Variants in VWDE observed in about 807,000 individuals in gnomAD.
VWDE encodes von Willebrand factor D and EGF domains.
Under a neutral mutation model 178.4 loss-of-function variants are expected in VWDE, and 207 were observed. That is an observed-to-expected ratio of 1.16 (90% CI 1.04 to 1.30). VWDE has a LOEUF of 1.30. Ranked by LOEUF, VWDE falls within the 50% of genes most tolerant of loss-of-function variation. The pLI, the probability that VWDE is intolerant of heterozygous loss-of-function variation, is 0.00. For missense variants in VWDE, 2,287 were observed against 1,901.3 expected, an observed-to-expected ratio of 1.20 and a Z score of -3.77; for synonymous variants, 738 against 651.4, an observed-to-expected ratio of 1.13 and a Z score of -2.02.
chr7:12,348,533 C>G lies in VWDE; in HGVS notation c.3886+3040G>C, dbSNP rs535176989. On this transcript the variant is annotated intron_variant, in intron 19 of 28. Coordinates refer to ENST00000275358, the MANE Select transcript of VWDE (RefSeq NM_001135924.3). ...AATCAAAACCACAGTGAGATACCATCTCACACCAGTTAGAATGGCAATCAT... is the reference window on the plus strand; with the variant it reads ...AATCAAAACCACAGTGAGATACCATGTCACACCAGTTAGAATGGCAATCAT... 3.4e-3 allele frequency among the ~76,000 whole-genome samples: 508 copies of G among 150,942 alleles called. 2 individuals carry two copies. The Middle Eastern group carries it at 0.044, about 13-fold the overall frequency.
rs1272468360 is a variant in VWDE at position 12,336,314 on chromosome 7, T to C, written c.4559-78A>G. 3.3e-6 allele frequency: 4 copies of C among 1,213,040 alleles called. No individual in the cohort carries two copies. In the South Asian group the frequency reaches 4.3e-5, roughly 13 times the overall value. The allele number at this position is 1,213,040 out of a possible 1,614,324, so 75.1% of individuals were successfully genotyped here. On this transcript the variant is annotated intron_variant, in intron 26 of 28. Transcript: ENST00000275358. ...ATCCATAACCCACAAAACTTTTCAT[T>C]AGAGAGAAAAAAAGAAATAGTTACA...
At position 12,357,249 on chromosome 7, in the gene VWDE, T is replaced by C; in HGVS notation, c.3525+16A>G. 1 of 1,547,738 alleles carries C rather than the reference T, an allele frequency of 6.5e-7. No homozygotes were observed. Among genetic ancestry groups the C allele is most frequent in the Non-Finnish European group, 8.7e-7 (1 of 1,144,084 alleles). Reference sequence around the variant, plus strand: ...GCAAAAGAATCCAGTGGCACTTATGTAATTATAAAGATTACCTCAATCGTG... The same window carrying C: ...GCAAAAGAATCCAGTGGCACTTATGCAATTATAAAGATTACCTCAATCGTG... On this transcript the variant is annotated intron_variant, in intron 17 of 28. Transcript: ENST00000275358.
intron 28 of VWDE, among the ~76,000 whole-genome samples, chr7:12,333,210 C>A (rs75790036): frequency 3.9e-5 from 6 of 152,236 alleles, no homozygotes; most frequent in African/African-American, 1.4e-4. Flanking sequence ...GCTGTCTCAA[C>A]TACAGTGTCA....
Position 12,370,205 on chromosome 7 carries a change from G to GT in VWDE, c.2100dup (p.His701ThrfsTer6), listed in dbSNP as rs781003137. 2.6e-5 allele frequency: 41 copies of GT among 1,550,738 alleles called. 1 individual carries two copies. In the Middle Eastern group the frequency reaches 8.3e-4, roughly 32 times the overall value. On this transcript the variant is annotated frameshift_variant, in exon 12 of 29. Coordinates refer to ENST00000275358, the MANE Select transcript of VWDE (RefSeq NM_001135924.3). LOFTEE classifies it high-confidence loss of function. ...AAGCCGAGTTTAGTCAGGTTTATGT[G>GT]TTTTTTTTCTTGCAGAAATAAATTT... is the stretch of plus-strand genomic sequence containing the variant.
chr7:12,344,428 C>T lies in VWDE; in HGVS notation c.3928G>A (p.Ala1310Thr). The change falls in exon 20 of 29, where the codon GCC becomes ACC. Residue 1310 changes from alanine (A) to threonine (T), a missense_variant. By Grantham distance (58) the Ala-to-Thr change is moderately conservative (BLOSUM62 0). Transcript: ENST00000275358. ...YPCGKSRECV[A>T]PNICKCKPGY... is the part of the protein sequence containing the mutation. Reference sequence around the variant, plus strand: ...GGTTTACATTTGCAGATGTTTGGGGCAACACACTCCCTACTTTTTCCACAT... The same window carrying T: ...GGTTTACATTTGCAGATGTTTGGGGTAACACACTCCCTACTTTTTCCACAT... The T allele has an allele frequency of 1.3e-6, 2 of 1,550,624 alleles. No individual in the cohort carries two copies. The highest frequency in any genetic ancestry group is 2.4e-5 in the South Asian group (2 of 83,950).
chr7:12,386,916 A>G (rs900381663), intron 3 of VWDE, among the ~76,000 whole-genome samples: 2 of 152,222 alleles, frequency 1.3e-5, no homozygotes, highest in Non-Finnish European at 2.9e-5. Flanking sequence ...CTCCAGCAGT[A>G]CATATGTGTG....
intron 28 of VWDE, among the ~76,000 whole-genome samples, chr7:12,333,215 G>A (rs1348894907): frequency 6.6e-6 from 1 of 152,094 alleles, no homozygotes; most frequent in African/African-American, 2.4e-5. Flanking sequence ...CTCAACTACA[G>A]TGTCATGAAA....
chr7:12,355,378 T>A (rs111908483), intron 18 of VWDE, among the ~76,000 whole-genome samples: 5,169 of 148,946 alleles, frequency 0.035, 289 homozygotes, highest in African/African-American at 0.11. Flanking sequence ...ACGGCGCCAC[T>A]GCACTCCAGC....
At chr7:12,340,438 A>G (rs1781266920) in intron 23 of VWDE, 21 bp from the exon 24 acceptor site, 4 of 1,514,852 alleles carry the variant, frequency 2.6e-6, no homozygotes, top group East Asian at 2.5e-5. Flanking sequence ...GCAGGAGGAA[A>G]AGAGAACATA....
Position 12,337,034 on chromosome 7 carries a change from G to A in VWDE, c.4512C>T (p.Ser1504=). 1.3e-6 allele frequency: 2 copies of A among 1,551,552 alleles called. No individual in the cohort carries two copies. Among genetic ancestry groups the A allele is most frequent in the Non-Finnish European group, 8.7e-7 (1 of 1,146,916 alleles). The stretch of plus-strand genomic sequence containing the variant: ...TCCAACCAGAAGGACAAGAGCAAGT[G>A]CTTGGTCCCACACATTTTCCTCCAT... ...CMNGGKCVGP[S]TCSCPSGWSG... Residue 1504 remains serine (S), a synonymous_variant, in exon 26 of 29, where the codon AGC becomes AGT. Coordinates refer to ENST00000275358, the MANE Select transcript of VWDE (RefSeq NM_001135924.3).
intron 1 of VWDE, among the ~76,000 whole-genome samples, chr7:12,399,516 T>C (rs1278198252): frequency 6.6e-6 from 1 of 152,172 alleles, no homozygotes; most frequent in Non-Finnish European, 1.5e-5. Flanking sequence ...CAATATCAAT[T>C]TTAAAAACAG....
At chr7:12,343,026 A>G in intron 22 of VWDE, 57 bp downstream of exon 22, 3 of 1,302,344 alleles carry the variant, frequency 2.3e-6, no homozygotes, top group Non-Finnish European at 2.2e-6. Context: ...CATTAAGGCC[A>G]TCAACTATTC....
rs1782574455 is a variant in VWDE, at chr7:12,361,451, ACAG to A, written c.2966_2968del (p.Ala989del). On this transcript the variant is annotated inframe_deletion, in exon 14 of 29. Coordinates refer to ENST00000275358, the MANE Select transcript of VWDE (RefSeq NM_001135924.3). ...AACATCAGTGGGCAGCTGACAATCA[ACAG>A]CTCTGCTATTGTGGAAAACAGTCTG... The A allele has an allele frequency of 1.3e-6, 2 of 1,551,246 alleles. No homozygotes were observed. The highest frequency in any genetic ancestry group is 3.9e-5 in the Admixed American group (2 of 50,966).
intron 15 of VWDE, among the ~76,000 whole-genome samples, chr7:12,360,103 C>G (rs549024800): frequency 1.3e-5 from 2 of 152,056 alleles, no homozygotes; most frequent in African/African-American, 2.4e-5. Flanking sequence ...CCCTAGCAGC[C>G]CACTGTGTTC....
At chr7:12,398,781 T>C (rs1039767566) in intron 1 of VWDE, among the ~76,000 whole-genome samples, 3 of 151,590 alleles carry the variant, frequency 2.0e-5, no homozygotes, top group African/African-American at 7.3e-5. Flanking sequence ...CCTAAACAAA[T>C]TAATGCAGAA....
chr7:12,347,875 G>T (rs577960476), intron 19 of VWDE, among the ~76,000 whole-genome samples: 1 of 151,922 alleles, frequency 6.6e-6, no homozygotes, highest in Non-Finnish European at 1.5e-5. Context: ...CCAAAACAGA[G>T]ATATAGATCA....
chr7:12,362,485 G>A (rs772655372), intron 13 of VWDE, among the ~76,000 whole-genome samples: 33 of 151,990 alleles, frequency 2.2e-4, no homozygotes, highest in Admixed American at 1.3e-4. Flanking sequence ...TTGTTTTTCA[G>A]TATGAAAATG....
chr7:12,375,613 G>A (rs1323593786), intron 7 of VWDE, among the ~76,000 whole-genome samples: 2 of 151,612 alleles, frequency 1.3e-5, no homozygotes, highest in Admixed American at 1.3e-4. Flanking sequence ...TTGTAACGTG[G>A]GCCCAGATAC....
chr7:12,377,190 T>A (rs1783576598), intron 7 of VWDE, among the ~76,000 whole-genome samples: 1 of 152,136 alleles, frequency 6.6e-6, no homozygotes, highest in African/African-American at 2.4e-5. Flanking sequence ...TCTTGTTATG[T>A]GGGAGGATTT....
Sources: allele counts gnomAD v4.1 joint callset (sites outside exome capture counted in the v4.1 genomes callset), GRCh38; gene constraint gnomAD v4.1.1; transcripts MANE v1.5; gene names NCBI Gene and HGNC (gene_info 2026-07-23, HGNC 2026-07-21).